PAM: variants seen among roughly 807,000 people sequenced by gnomAD.
PAM encodes the protein peptidylglycine alpha-amidating monooxygenase, also known as peptidyl-glycine alpha-amidating monooxygenase.
In PAM, 72 loss-of-function variants were observed where a neutral mutation model predicts 122.1. That is an observed-to-expected ratio of 0.59 (90% confidence interval 0.49 to 0.72). PAM has a LOEUF of 0.72. Ranked by LOEUF, PAM falls within the 30% of genes least tolerant of loss-of-function variation. The pLI, the probability that PAM is intolerant of heterozygous loss-of-function variation, is 0.00. For synonymous variants in PAM, 389 were observed against 404.4 expected, an observed-to-expected ratio of 0.96 and a Z score of 0.46; for missense variants, 1,106 against 1,183.7, an observed-to-expected ratio of 0.93 and a Z score of 0.96.
intron 5 of PAM, among the ~76,000 whole-genome samples, chr5:102,923,456 T>C (rs1326439838): frequency 6.6e-6 from 1 of 152,208 alleles, no homozygotes; most frequent in African/African-American, 2.4e-5. Flanking sequence ...CCTTGTCCTT[T>C]ATAGTCTTCA....
chr5:102,815,205 T>C (rs1561521455), intron 1 of PAM, among the ~76,000 whole-genome samples: 1 of 151,678 alleles, frequency 6.6e-6, no homozygotes, highest in Non-Finnish European at 1.5e-5. Context: ...ACAAGTTAGG[T>C]AAAATAAAGG....
chr5:103,030,943 T>A (rs1658140772), downstream of PAM: 1 of 152,208 alleles, frequency 6.6e-6, no homozygotes. Flanking sequence ...ATAGCTATAT[T>A]TTCACATAAA....
At chr5:102,982,075 A>G (rs1307066780) in intron 15 of PAM, among the ~76,000 whole-genome samples, 1 of 151,960 alleles carries the variant, frequency 6.6e-6, no homozygotes, top group African/African-American at 2.4e-5. Flanking sequence ...AGGCCTGGGT[A>G]CCAACCCAGC....
At chr5:102,940,999 C>T (rs1755016018) in intron 7 of PAM, among the ~76,000 whole-genome samples, 2 of 152,072 alleles carry the variant, frequency 1.3e-5, no homozygotes, top group Admixed American at 1.3e-4. Context: ...TGGGTTTTAT[C>T]TTTTAATTTT....
At chr5:103,002,307 CATA>C (rs1466264817) in intron 16 of PAM, among the ~76,000 whole-genome samples, 2 of 151,674 alleles carry the variant, frequency 1.3e-5, no homozygotes, top group African/African-American at 4.8e-5. Flanking sequence ...AATATATGTC[CATA>C]ATATTTTATA....
At chr5:102,927,582 C>T (rs1037683813) in intron 7 of PAM, among the ~76,000 whole-genome samples, 1 of 152,006 alleles carries the variant, frequency 6.6e-6, no homozygotes, top group African/African-American at 2.4e-5. Context: ...TATGAAATAC[C>T]CTTTAGGACC....
intron 14 of PAM, among the ~76,000 whole-genome samples, chr5:102,968,433 A>C (rs1293131424): frequency 6.6e-6 from 1 of 152,224 alleles, no homozygotes; most frequent in African/African-American, 2.4e-5. Context: ...CAATAATAAC[A>C]ATTTAATAGA....
At chr5:102,835,546 A>G (rs971973010) in intron 1 of PAM, among the ~76,000 whole-genome samples, 1 of 152,178 alleles carries the variant, frequency 6.6e-6, no homozygotes, top group Non-Finnish European at 1.5e-5. Context: ...AGAAAAAAGT[A>G]TACAAAAACT....
intron 1 of PAM, among the ~76,000 whole-genome samples, chr5:102,773,660 A>G (rs1298858219): frequency 6.6e-6 from 1 of 152,094 alleles, no homozygotes; most frequent in African/African-American, 2.4e-5. Context: ...CCTAGACAAC[A>G]TTTAATACAG....
intron 3 of PAM, among the ~76,000 whole-genome samples, chr5:102,882,126 T>C (rs1353240225): frequency 3.1e-5 from 4 of 127,684 alleles, no homozygotes; most frequent in African/African-American, 1.2e-4. Context: ...ACATTTTCTT[T>C]ATCCACTCAT....
intron 24 of PAM, among the ~76,000 whole-genome samples, chr5:103,027,662 G>A (rs975772360): frequency 4.6e-5 from 7 of 152,104 alleles, no homozygotes; most frequent in African/African-American, 1.7e-4. Flanking sequence ...AAGAAGAAAC[G>A]ATATACATGG....
intron 1 of PAM, among the ~76,000 whole-genome samples, chr5:102,764,758 CT>C (rs1753388184): frequency 6.6e-6 from 1 of 152,186 alleles, no homozygotes; most frequent in African/African-American, 2.4e-5. Context: ...GAACAGCTTC[CT>C]TTACCACAAC....
intron 3 of PAM, among the ~76,000 whole-genome samples, chr5:102,897,913 T>G (rs1181327287): frequency 4.0e-5 from 6 of 151,608 alleles, no homozygotes; most frequent in African/African-American, 1.2e-4. Context: ...TCATAATAAT[T>G]TAAATAAGCA....
At chr5:102,958,931 T>C (rs1582181440) in intron 12 of PAM, among the ~76,000 whole-genome samples, 1 of 152,096 alleles carries the variant, frequency 6.6e-6, no homozygotes, top group Non-Finnish European at 1.5e-5. Flanking sequence ...TCAATACTAA[T>C]ACTAAAATGG....
intron 1 of PAM, among the ~76,000 whole-genome samples, chr5:102,857,505 G>C (rs181844649): frequency 6.6e-6 from 1 of 152,174 alleles, no homozygotes; most frequent in Admixed American, 6.5e-5. Flanking sequence ...ATAGGACTTC[G>C]ATTTGTTACC....
At chr5:102,979,313 T>C (rs1208677702) in intron 15 of PAM, among the ~76,000 whole-genome samples, 1 of 152,172 alleles carries the variant, frequency 6.6e-6, no homozygotes, top group African/African-American at 2.4e-5. Context: ...TCTTCCTCAC[T>C]TCACTCCCAT....
intron 3 of PAM, among the ~76,000 whole-genome samples, chr5:102,872,760 GTTAC>G (rs1421650291): frequency 3.9e-5 from 6 of 152,292 alleles, no homozygotes; most frequent in Admixed American, 6.5e-5. Flanking sequence ...TTGTATGTAT[GTTAC>G]TTAGTTGTTC....
At chr5:103,011,532 G>C (rs1780632197) in intron 21 of PAM, among the ~76,000 whole-genome samples, 1 of 152,052 alleles carries the variant, frequency 6.6e-6, no homozygotes. Flanking sequence ...GTCTTTCTGT[G>C]CCTGGCTTAT....
chr5:102,960,423 T>C (rs1375969551), intron 13 of PAM, among the ~76,000 whole-genome samples: 1 of 152,052 alleles, frequency 6.6e-6, no homozygotes, highest in Non-Finnish European at 1.5e-5. Context: ...GTTCTAAAGA[T>C]CACTACAGTT....
Sources: allele counts gnomAD v4.1 joint callset (sites outside exome capture counted in the v4.1 genomes callset), GRCh38; gene constraint gnomAD v4.1.1; transcripts MANE v1.5; gene names NCBI Gene and HGNC (gene_info 2026-07-23, HGNC 2026-07-21).